Variants in KIAA1217 observed in about 807,000 individuals in gnomAD.
The protein encoded by KIAA1217 is KIAA1217, also known as sickle tail protein homolog.
Under a neutral mutation model 163.9 loss-of-function variants are expected in KIAA1217, and 88 were observed. The observed-to-expected ratio is 0.54, with a 90% CI of 0.45 to 0.64. The LOEUF is 0.64. Among genes scored for constraint, KIAA1217 ranks in the 30% least tolerant of loss-of-function variants. The probability of loss-of-function intolerance (pLI) is 0.00; values close to 1 mark genes in which losing one functional copy is unlikely to be tolerated. For missense variants in KIAA1217, 2,372 were observed against 2,475.0 expected, an observed-to-expected ratio of 0.96 and a Z score of 0.88; for synonymous variants, 903 against 923.1, an observed-to-expected ratio of 0.98 and a Z score of 0.39.
chr10:23,830,905 G>A (rs1335412887), intron 1 of KIAA1217, among the ~76,000 whole-genome samples: 1 of 151,828 alleles, frequency 6.6e-6, no homozygotes, highest in Non-Finnish European at 1.5e-5. Flanking sequence ...ATGTGAAACT[G>A]CAGATTTCAT....
chr10:24,402,962 A>G (rs967073227), intron 3 of KIAA1217, among the ~76,000 whole-genome samples: 8 of 152,114 alleles, frequency 5.3e-5, no homozygotes, highest in South Asian at 2.1e-4. Context: ...AAGCAATTCA[A>G]TGGAGGAACA....
At chr10:24,049,026 G>C (rs1405508780) in intron 2 of KIAA1217, among the ~76,000 whole-genome samples, 1 of 73,864 alleles carries the variant, frequency 1.4e-5, no homozygotes, top group Non-Finnish European at 2.4e-5. Context: ...GTGATACTCT[G>C]TCTCAAAAAA....
At chr10:24,488,280 G>C (rs2065659832) in intron 6 of KIAA1217, among the ~76,000 whole-genome samples, 1 of 152,162 alleles carries the variant, frequency 6.6e-6, no homozygotes, top group Admixed American at 6.5e-5. Context: ...GGCAGCTGGG[G>C]TATGGTGGAT....
At chr10:24,448,907 AATT>A (rs2061177082) in intron 5 of KIAA1217, among the ~76,000 whole-genome samples, 1 of 152,228 alleles carries the variant, frequency 6.6e-6, no homozygotes. Context: ...GACAATAATC[AATT>A]AACTCAATAA....
intron 2 of KIAA1217, chr10:24,042,510 C>T (rs1848686818): frequency 6.6e-6 from 1 of 152,154 alleles, no homozygotes; most frequent in Non-Finnish European, 1.5e-5. Context: ...TGTTTGAAAT[C>T]CACTGCTTTT....
chr10:23,855,283 T>C (rs1354135305), intron 1 of KIAA1217, among the ~76,000 whole-genome samples: 2 of 152,214 alleles, frequency 1.3e-5, no homozygotes, highest in East Asian at 3.8e-4. Flanking sequence ...AAGCTTAGTT[T>C]GGGTGGATAT....
chr10:24,151,610 C>A (rs1236247750), intron 2 of KIAA1217, among the ~76,000 whole-genome samples: 1 of 151,444 alleles, frequency 6.6e-6, no homozygotes, highest in Non-Finnish European at 1.5e-5. Flanking sequence ...TGAGGTCTCT[C>A]TGGAGAGAGA....
intron 1 of KIAA1217, among the ~76,000 whole-genome samples, chr10:23,893,997 A>G (rs1198316863): frequency 6.6e-6 from 1 of 152,082 alleles, no homozygotes; most frequent in Non-Finnish European, 1.5e-5. Flanking sequence ...TCTCAAAATA[A>G]TAAGAACTAT....
At chr10:23,850,580 C>T (rs1027475515) in intron 1 of KIAA1217, among the ~76,000 whole-genome samples, 8 of 152,090 alleles carry the variant, frequency 5.3e-5, no homozygotes, top group African/African-American at 1.9e-4. Context: ...ACACAGTAGC[C>T]TTTCAACAAA....
At chr10:23,996,543 G>A (rs1164761857) in intron 1 of KIAA1217, among the ~76,000 whole-genome samples, 2 of 151,920 alleles carry the variant, frequency 1.3e-5, no homozygotes, top group Admixed American at 1.3e-4. Context: ...GTAAATGTTC[G>A]CTGAAAGAAT....
chr10:24,247,941 T>C (rs1313047455), intron 2 of KIAA1217, among the ~76,000 whole-genome samples: 1 of 152,220 alleles, frequency 6.6e-6, no homozygotes, highest in Non-Finnish European at 1.5e-5. Flanking sequence ...CATTTTAACA[T>C]TTAAAAACTA....
intron 1 of KIAA1217, among the ~76,000 whole-genome samples, chr10:24,214,480 G>A (rs540275742): frequency 8.5e-5 from 13 of 152,252 alleles, no homozygotes; most frequent in Admixed American, 2.6e-4. Context: ...AACGTGGAAG[G>A]TTATTTGGGA....
At chr10:24,289,067 G>A (rs2078845144) in intron 2 of KIAA1217, among the ~76,000 whole-genome samples, 1 of 152,004 alleles carries the variant, frequency 6.6e-6, no homozygotes, top group Admixed American at 6.5e-5. Flanking sequence ...TTTCTCTACT[G>A]GCTCTTAACC....
intron 2 of KIAA1217, among the ~76,000 whole-genome samples, chr10:24,274,786 G>C (rs1016936017): frequency 5.9e-5 from 9 of 152,074 alleles, no homozygotes; most frequent in African/African-American, 2.2e-4. Flanking sequence ...TGATTCATTA[G>C]CATTGAACTA....
chr10:24,539,219 T>C (rs2074611836), intron 17 of KIAA1217, among the ~76,000 whole-genome samples: 1 of 151,940 alleles, frequency 6.6e-6, no homozygotes, highest in Non-Finnish European at 1.5e-5. Context: ...TTGTAGAATT[T>C]TTCTTTTCTT....
At chr10:24,065,130 G>A (rs1178339177) in intron 2 of KIAA1217, among the ~76,000 whole-genome samples, 3 of 152,052 alleles carry the variant, frequency 2.0e-5, no homozygotes, top group African/African-American at 7.2e-5. Context: ...GGTTTTTTGT[G>A]TCTCTATTTC....
chr10:24,359,056 T>TC (rs777355919), intron 2 of KIAA1217, among the ~76,000 whole-genome samples: 133 of 137,366 alleles, frequency 9.7e-4, no homozygotes, highest in Admixed American at 2.6e-3. Context: ...TTTCTTTCTT[T>TC]TTTCTTTTCT....
intron 2 of KIAA1217, among the ~76,000 whole-genome samples, chr10:24,380,374 C>A (rs966296327): frequency 6.6e-6 from 1 of 152,076 alleles, no homozygotes; most frequent in African/African-American, 2.4e-5. Context: ...GCCTATAATC[C>A]TAGCACTTTG....
At chr10:24,366,545 C>T (rs1221317711) in intron 2 of KIAA1217, among the ~76,000 whole-genome samples, 2 of 152,202 alleles carry the variant, frequency 1.3e-5, no homozygotes, top group Non-Finnish European at 2.9e-5. Flanking sequence ...AGGCACACTC[C>T]AGGGTCCACC....
Sources: allele counts gnomAD v4.1 joint callset (sites outside exome capture counted in the v4.1 genomes callset), GRCh38; gene constraint gnomAD v4.1.1; transcripts MANE v1.5; gene names NCBI Gene and HGNC (gene_info 2026-07-23, HGNC 2026-07-21).